The following EPG5 variants were observed in gnomAD, a reference collection of about 807,000 sequenced individuals.
EPG5 encodes ectopic P granules protein 5 homolog.
Under a neutral mutation model 302.7 loss-of-function variants are expected in EPG5, and 159 were observed. The ratio of observed to expected loss-of-function variants is 0.53; its 90% CI spans 0.46 to 0.60. The LOEUF (loss-of-function observed/expected upper bound fraction) is 0.60. Among genes scored for constraint, EPG5 ranks in the 20% least tolerant of loss-of-function variants. The pLI, the probability that EPG5 is intolerant of heterozygous loss-of-function variation, is 0.00. For missense variants in EPG5, 2,896 were observed against 3,092.4 expected (o/e 0.94, Z 1.51); for synonymous variants, 1,158 against 1,136.8 (o/e 1.02, Z -0.37).
At chr18:45,921,969 A>C (rs1268765022) in intron 16 of EPG5, among the ~76,000 whole-genome samples, 11 of 152,168 alleles carry the variant, frequency 7.2e-5, no homozygotes, top group African/African-American at 2.2e-4. Flanking sequence ...AATTTAAAAA[A>C]AAAAAAAAAA....
Position 45,928,934 on chromosome 18 carries a change from C to G in EPG5, c.2488G>C (p.Val830Leu), listed in dbSNP as rs1187668592. Residue 830 changes from valine to leucine, a missense_variant, in exon 13 of 44, where the codon GTT (valine) becomes CTT (leucine). Val to Leu is a conservative substitution (Grantham distance 32). Around this residue, in one of 5 missense-constraint regions of EPG5, gnomAD observed 1,390 missense variants for 1,430.0 expected, o/e 0.97. Coordinates refer to ENST00000282041, the MANE Select transcript of EPG5 (RefSeq NM_020964.3). The part of the protein sequence containing the change: ...GRELLGTITA[V>L]HPEIISVLLD... Reference sequence around the variant, plus strand: ...AGGACGGAAATTATCTCAGGGTGAACAGCTGTGATAGTCCCTAAAAGCTCT... The same window carrying G: ...AGGACGGAAATTATCTCAGGGTGAAGAGCTGTGATAGTCCCTAAAAGCTCT... The G allele has an allele frequency of 1.9e-6, 3 of 1,613,714 alleles. No individual in the cohort carries two copies. The highest frequency in any genetic ancestry group is 4.5e-5 in the East Asian group (2 of 44,878).
chr18:45,907,868 A>G (rs1030335468), intron 24 of EPG5, 90 bp downstream of exon 24: 46 of 1,283,058 alleles, frequency 3.6e-5, no homozygotes, highest in Non-Finnish European at 4.7e-5. Flanking sequence ...TTTTCTTATC[A>G]ATAAATTGTT....
chr18:45,939,736 T>C lies in EPG5; in HGVS notation c.1963A>G (p.Ser655Gly). 5 of 1,613,830 alleles carry C rather than the reference T, an allele frequency of 3.1e-6. No individual in the cohort carries two copies. Among genetic ancestry groups the C allele is most frequent in the Non-Finnish European group, 4.2e-6 (5 of 1,179,984 alleles). The change falls in exon 10 of 44, where the codon AGT becomes GGT. Residue 655 changes from serine (S) to glycine (G), a missense_variant. By Grantham distance (56) the Ser-to-Gly change is moderately conservative. Transcript: ENST00000282041. ...YMIRMTLGYVSDHWAQYVSHN... is the reference protein window; with the variant it reads ...YMIRMTLGYVGDHWAQYVSHN... ...CTCACATACTGTGCCCAATGGTCAC[T>C]TACATAACCAAGAGTCATCCTGAGC...
intron 30 of EPG5, 79 bp downstream of exon 30, chr18:45,884,538 T>C: frequency 1.5e-6 from 2 of 1,324,250 alleles, no homozygotes; most frequent in Non-Finnish European, 2.1e-6. Flanking sequence ...ACTGCAGAGG[T>C]CCTTTTATTT....
At chr18:45,876,685 G>A (rs978394285) in intron 34 of EPG5, among the ~76,000 whole-genome samples, 3 of 150,926 alleles carry the variant, frequency 2.0e-5, no homozygotes, top group Non-Finnish European at 4.4e-5. Context: ...CCCTAAGTCA[G>A]CTTCAACAGT....
chr18:45,893,312 C>T (rs1323255726), intron 27 of EPG5, among the ~76,000 whole-genome samples: 2 of 152,146 alleles, frequency 1.3e-5, no homozygotes, highest in African/African-American at 2.4e-5. Context: ...CATCTGTAAT[C>T]CCAGCACTTT....
the EPG5 span, among the ~76,000 whole-genome samples, chr18:45,816,412 T>C: frequency 1.3e-5 from 2 of 150,894 alleles, no homozygotes; most frequent in South Asian, 4.2e-4. Context: ...GAATCTACAA[T>C]AAACTCAAAC....
chr18:45,905,666 C>G (rs2049731723), intron 24 of EPG5, among the ~76,000 whole-genome samples: 1 of 152,144 alleles, frequency 6.6e-6, no homozygotes, highest in Admixed American at 6.5e-5. Flanking sequence ...AAATACAAAA[C>G]AACCCTGAGC....
At chr18:45,897,549 A>G (rs543998627) in intron 27 of EPG5, among the ~76,000 whole-genome samples, 1 of 152,340 alleles carries the variant, frequency 6.6e-6, no homozygotes, top group Non-Finnish European at 1.5e-5. Flanking sequence ...TGGTCTTACT[A>G]TAACAGCATT....
At chr18:45,847,296 C>T (rs1366248526), downstream of EPG5, among the ~76,000 whole-genome samples, 1 of 152,130 alleles carries the variant, frequency 6.6e-6, no homozygotes, top group Non-Finnish European at 1.5e-5. Flanking sequence ...GGTTACACTG[C>T]CAGAAGCACC....
intron 2 of EPG5, among the ~76,000 whole-genome samples, chr18:45,953,014 A>C (rs1158644064): frequency 6.6e-6 from 1 of 152,136 alleles, no homozygotes; most frequent in Non-Finnish European, 1.5e-5. Context: ...TCTAACTAAA[A>C]ATATAAAAAT....
At position 45,852,517 on chromosome 18, in the gene EPG5, G is replaced by C; in HGVS notation, c.7690C>G (p.Leu2564Val). The change falls in exon 44 of 44, where the codon CTC becomes GTC. Residue 2564 changes from leucine to valine, a missense_variant. Leu to Val is a conservative substitution (Grantham distance 32). Around this residue, in one of 5 missense-constraint regions of EPG5, gnomAD observed 620 missense variants for 704.2 expected, o/e 0.88. Coordinates refer to ENST00000282041, the MANE Select transcript of EPG5 (RefSeq NM_020964.3). Reference protein sequence around the residue: ...LQDGKSFLALLVNCLYPEVHY... With the variant: ...LQDGKSFLALVVNCLYPEVHY... ...ACTTCTGGATACAGACAGTTAACGA[G>C]AAGAGCCAAGAAGCTTTTCCCATCT... 6 of 1,614,240 alleles carry C rather than the reference G, an allele frequency of 3.7e-6. No individual in the cohort carries two copies. Among genetic ancestry groups the C allele is most frequent in the Non-Finnish European group, 5.1e-6 (6 of 1,180,044 alleles).
chr18:45,919,029 A>T (rs1028177420), intron 16 of EPG5, among the ~76,000 whole-genome samples: 2 of 152,220 alleles, frequency 1.3e-5, no homozygotes, highest in African/African-American at 4.8e-5. Context: ...AAAACTAAGG[A>T]TATAAAATTA....
At position 45,967,178 on chromosome 18, in the gene EPG5, T is replaced by G. The variant is rs1342730910; in HGVS notation, c.62A>C (p.Lys21Thr). ...AKAKASRTKT[K>T]EKKKYETPQR... ...CGGGAGGGTGGGGGAGATCCTCACC[T>G]TTGTTTTAGTCCGGCTGGCCTTGGC... The change falls in exon 1 of 44, where the codon AAG becomes ACG. Residue 21 changes from lysine to threonine, a missense_variant and splice_region_variant. By Grantham distance (78) the Lys-to-Thr change is moderately conservative. Coordinates refer to ENST00000282041, the MANE Select transcript of EPG5 (RefSeq NM_020964.3). 3 of 1,601,216 alleles carry G rather than the reference T, an allele frequency of 1.9e-6. No homozygotes were observed. The African/African-American group carries it at 4.0e-5, about 21-fold the overall frequency.
At chr18:45,837,892 G>C in the EPG5 span, 21 of 1,512,088 alleles carry the variant, frequency 1.4e-5, no homozygotes, top group Admixed American at 4.4e-4. Context: ...GGCTGCACGT[G>C]ACAGGCGAGG....
chr18:45,873,942 C>A (rs749702474), intron 35 of EPG5, among the ~76,000 whole-genome samples: 1 of 152,154 alleles, frequency 6.6e-6, no homozygotes, highest in Non-Finnish European at 1.5e-5. Flanking sequence ...TGCTATGATT[C>A]CAACCATAGG....
chr18:45,809,678 A>G, the EPG5 span, among the ~76,000 whole-genome samples: 112,958 of 152,128 alleles, frequency 0.74, 42,833 homozygotes, highest in East Asian at 0.92. Context: ...ACTAAACGAC[A>G]ATAGTGACAC....
At chr18:45,839,284 A>C in the EPG5 span, among the ~76,000 whole-genome samples, 1 of 152,202 alleles carries the variant, frequency 6.6e-6, no homozygotes, top group Non-Finnish European at 1.5e-5. Flanking sequence ...CCCATTTTGC[A>C]ATAAGGAAGC....
the EPG5 span, chr18:45,837,462 G>C: frequency 7.0e-7 from 1 of 1,424,758 alleles, no homozygotes; most frequent in Non-Finnish European, 9.1e-7. Context: ...CCCGGGTGCG[G>C]GCGCCTCGAC....
Sources: allele counts gnomAD v4.1 joint callset (sites outside exome capture counted in the v4.1 genomes callset), GRCh38; gene constraint gnomAD v4.1.1; regional missense constraint gnomAD v4.1.1; transcripts MANE v1.5; gene names NCBI Gene and HGNC (gene_info 2026-07-23, HGNC 2026-07-21).